Variants in DPP10 observed in about 807,000 individuals in gnomAD.
DPP10 encodes inactive dipeptidyl peptidase 10.
Under a neutral mutation model 120.9 loss-of-function variants are expected in DPP10, and 33 were observed. The observed-to-expected ratio is 0.27, with a 90% CI of 0.21 to 0.37. The LOEUF (loss-of-function observed/expected upper bound fraction) is 0.37, where lower values mean the gene tolerates loss of function less well. Ranked by LOEUF, DPP10 falls within the 10% of genes least tolerant of loss-of-function variation. The pLI, the probability that DPP10 is intolerant of heterozygous loss-of-function variation, is 1.00. For missense variants in DPP10, 816 were observed against 942.8 expected (o/e 0.87, Z 1.76); for synonymous variants, 337 against 326.1 (o/e 1.03, Z -0.36).
intron 1 of DPP10, among the ~76,000 whole-genome samples, chr2:115,172,807 A>G (rs2053446971): frequency 6.6e-6 from 1 of 152,218 alleles, no homozygotes; most frequent in African/African-American, 2.4e-5. Context: ...GGAAAATCAA[A>G]CTATGTTGGA....
At chr2:114,683,526 C>CCCTT (rs967468495) in intron 1 of DPP10, among the ~76,000 whole-genome samples, 20 of 143,540 alleles carry the variant, frequency 1.4e-4, no homozygotes, top group Middle Eastern at 3.5e-3. Context: ...CCTTCCCTCT[C>CCCTT]CCTTCCTTCC....
chr2:115,234,226 C>G (rs12617588), intron 1 of DPP10, among the ~76,000 whole-genome samples: 12,050 of 152,148 alleles, frequency 0.079, 560 homozygotes, highest in East Asian at 0.2. Flanking sequence ...TCACACATCA[C>G]ATACCTGAAA....
chr2:114,804,146 C>G (rs1195481461), intron 1 of DPP10, among the ~76,000 whole-genome samples: 1 of 152,196 alleles, frequency 6.6e-6, no homozygotes, highest in Non-Finnish European at 1.5e-5. Context: ...AAGCCCCAAG[C>G]CTTGGCAGCT....
intron 1 of DPP10, among the ~76,000 whole-genome samples, chr2:114,634,786 C>G (rs1695188860): frequency 6.6e-6 from 1 of 151,852 alleles, no homozygotes; most frequent in Non-Finnish European, 1.5e-5. Context: ...ACTAGTAAAA[C>G]TATAATAGTA....
At chr2:114,800,527 A>G (rs1220484730) in intron 1 of DPP10, among the ~76,000 whole-genome samples, 1 of 152,230 alleles carries the variant, frequency 6.6e-6, no homozygotes, top group Non-Finnish European at 1.5e-5. Flanking sequence ...GAGTCTTACA[A>G]GGAAGACATT....
chr2:115,807,442 C>A (rs573250178), intron 19 of DPP10, among the ~76,000 whole-genome samples: 1 of 152,232 alleles, frequency 6.6e-6, no homozygotes, highest in Non-Finnish European at 1.5e-5. Flanking sequence ...ACTTGTGTAA[C>A]AATAAGGCTT....
intron 1 of DPP10, among the ~76,000 whole-genome samples, chr2:114,992,229 C>T (rs1032319725): frequency 1.3e-5 from 2 of 152,144 alleles, no homozygotes; most frequent in Non-Finnish European, 2.9e-5. Flanking sequence ...AATATCAGTG[C>T]CCAAAATGAA....
chr2:115,216,267 G>A (rs1574042303), intron 1 of DPP10, among the ~76,000 whole-genome samples: 1 of 152,114 alleles, frequency 6.6e-6, no homozygotes, highest in Non-Finnish European at 1.5e-5. Flanking sequence ...ATGTAACCCG[G>A]TAACAAAACT....
intron 1 of DPP10, among the ~76,000 whole-genome samples, chr2:115,299,866 A>G (rs2061048275): frequency 6.6e-6 from 1 of 151,938 alleles, no homozygotes; most frequent in Admixed American, 6.6e-5. Flanking sequence ...AAAAAGTTTT[A>G]TTTGGATTTT....
At chr2:115,041,679 C>T (rs1176774599) in intron 1 of DPP10, among the ~76,000 whole-genome samples, 1 of 152,216 alleles carries the variant, frequency 6.6e-6, no homozygotes, top group Non-Finnish European at 1.5e-5. Flanking sequence ...TTTTTCCACA[C>T]AGTATATCTT....
At chr2:114,944,254 C>A (rs6735094) in intron 1 of DPP10, among the ~76,000 whole-genome samples, 2 of 151,976 alleles carry the variant, frequency 1.3e-5, no homozygotes, top group African/African-American at 4.8e-5. Context: ...TTTATAGACC[C>A]TACACTATTA....
chr2:115,528,077 A>T (rs1435376318), intron 5 of DPP10, among the ~76,000 whole-genome samples: 2 of 152,114 alleles, frequency 1.3e-5, no homozygotes, highest in African/African-American at 4.8e-5. Context: ...CTTTGGGTAT[A>T]TACCCAGTAA....
At chr2:115,149,299 T>A (rs1295274601) in intron 1 of DPP10, among the ~76,000 whole-genome samples, 1 of 152,244 alleles carries the variant, frequency 6.6e-6, no homozygotes, top group Non-Finnish European at 1.5e-5. Flanking sequence ...TCCATTATTT[T>A]TACACATTAG....
rs1203459535 is a variant in DPP10, at chr2:115,661,663, G to GT, written c.442-28018dup. 4.6e-5 allele frequency among the ~76,000 whole-genome samples: 7 copies of GT among 152,066 alleles called. No individual in the cohort carries two copies. The South Asian group carries it at 1.5e-3, about 32-fold the overall frequency. On this transcript the variant is annotated intron_variant, in intron 5 of 25. Transcript: ENST00000410059. Reference sequence around the variant, plus strand: ...TCCTAGAAGCTTAGCCCTGATCTGGGTTTTTTAGTTCTCCCAATAAATTTA... The same window carrying GT: ...TCCTAGAAGCTTAGCCCTGATCTGGGTTTTTTTAGTTCTCCCAATAAATTTA...
intron 5 of DPP10, among the ~76,000 whole-genome samples, chr2:115,687,485 GGATAGATA>G (rs3043901): frequency 2.5e-3 from 362 of 147,012 alleles, no homozygotes; most frequent in African/African-American, 6.9e-3. Flanking sequence ...ATGGATGGAT[GGATAGATA>G]GATAGATAGA....
intron 5 of DPP10, among the ~76,000 whole-genome samples, chr2:115,656,370 C>G (rs1294464174): frequency 1.3e-5 from 2 of 151,500 alleles, no homozygotes; most frequent in African/African-American, 2.4e-5. Flanking sequence ...TTCTTAGGCT[C>G]AAATTGGTGC....
intron 1 of DPP10, among the ~76,000 whole-genome samples, chr2:114,899,924 C>A (rs1010612888): frequency 6.6e-6 from 1 of 152,218 alleles, no homozygotes; most frequent in African/African-American, 2.4e-5. Flanking sequence ...CGCACCACTG[C>A]ACTCCAGCCT....
At chr2:115,116,539 T>A (rs545439915) in intron 1 of DPP10, among the ~76,000 whole-genome samples, 1 of 152,276 alleles carries the variant, frequency 6.6e-6, no homozygotes, top group African/African-American at 2.4e-5. Flanking sequence ...TTTCCAAGAC[T>A]ACCTTTTGTT....
intron 1 of DPP10, among the ~76,000 whole-genome samples, chr2:114,672,351 C>G (rs888362259): frequency 6.6e-6 from 1 of 152,114 alleles, no homozygotes; most frequent in African/African-American, 2.4e-5. Context: ...ATCCCTTTTT[C>G]TGTCTTTCTC....
Sources: allele counts gnomAD v4.1 joint callset (sites outside exome capture counted in the v4.1 genomes callset), GRCh38; gene constraint gnomAD v4.1.1; transcripts MANE v1.5; gene names NCBI Gene and HGNC (gene_info 2026-07-23, HGNC 2026-07-21).